The following PUM1 variants were observed in gnomAD, a reference collection of about 807,000 sequenced individuals.
The protein encoded by PUM1 is pumilio RNA binding family member 1.
Under a neutral mutation model 131.8 loss-of-function variants are expected in PUM1, and 13 were observed. The observed-to-expected ratio is 0.10, with a 90% CI of 0.06 to 0.16. The LOEUF (loss-of-function observed/expected upper bound fraction) is 0.16, where lower values mean the gene tolerates loss of function less well. PUM1 is among the 10% of genes least tolerant of loss of function. The pLI is 1.00. For missense variants in PUM1, 961 were observed against 1,512.4 expected (o/e 0.64, Z 6.05); for synonymous variants, 509 against 556.5 (o/e 0.91, Z 1.20).
chr1:31,013,144 C>A (rs1642682799), intron 3 of PUM1, among the ~76,000 whole-genome samples: 1 of 152,158 alleles, frequency 6.6e-6, no homozygotes, highest in African/African-American at 2.4e-5. Flanking sequence ...CATGGCATCA[C>A]CTAGGCCATG....
At position 30,931,604 on chromosome 1, in the gene PUM1, T is replaced by C. The variant is rs1429839502; in HGVS notation, c.*1607A>G. On this transcript the variant is annotated 3_prime_UTR_variant, in exon 22 of 22. Transcript: ENST00000426105. ...AAAAATAGTTGCCCAGGCATAAGCATACACAGGTTTGTTAATTATACACAT... is the reference window on the plus strand; with the variant it reads ...AAAAATAGTTGCCCAGGCATAAGCACACACAGGTTTGTTAATTATACACAT... 6.6e-6 allele frequency: 1 copy of C among 152,658 alleles called. No individual in the cohort carries two copies. Among genetic ancestry groups the C allele is most frequent in the East Asian group, 1.9e-4 (1 of 5,198 alleles). 9.5% of individuals were successfully genotyped at this position (152,658 alleles called of 1,614,324 possible).
intron 14 of PUM1, among the ~76,000 whole-genome samples, chr1:30,956,987 A>C (rs934523313): frequency 3.9e-5 from 6 of 152,104 alleles, no homozygotes; most frequent in Admixed American, 6.6e-5. Flanking sequence ...AACAACAGTT[A>C]ATACGCCTAC....
intron 2 of PUM1, among the ~76,000 whole-genome samples, 166 bp from the exon 3 acceptor site, chr1:31,029,030 A>G (rs1344495695): frequency 2.0e-5 from 3 of 152,206 alleles, no homozygotes; most frequent in Non-Finnish European, 2.9e-5. Flanking sequence ...ACCTTTAACC[A>G]TCAGGGTTCA....
At position 31,005,983 on chromosome 1, in the gene PUM1, C is replaced by T. The variant is rs1254185124; in HGVS notation, c.590G>A (p.Ser197Asn). ...ATTGACCTCACTGTTCACATGGAAA[C>T]TCTGACCAGGTCTTCTCTGCACCAT... ...PIMVQRRPGQSFHVNSEVNSV... is the reference protein window; with the variant it reads ...PIMVQRRPGQNFHVNSEVNSV... Residue 197 changes from serine (S) to asparagine (N), a missense_variant, in exon 5 of 22, where the codon AGT becomes AAT. Transcript: ENST00000426105. 1 of 1,612,900 alleles carries T rather than the reference C, an allele frequency of 6.2e-7. No homozygotes were observed. Among genetic ancestry groups the T allele is most frequent in the Non-Finnish European group, 8.5e-7 (1 of 1,179,686 alleles).
Position 30,974,708 on chromosome 1 carries a change from T to C in PUM1, c.1449A>G (p.Ala483=). Residue 483 remains alanine, a synonymous_variant, in exon 10 of 22, where the codon GCA becomes GCG. Transcript: ENST00000426105. ...LFQQQAAAAA[A]ATNSANQQTT... ...TCTGTTGATTAGCTGAATTAGTTGC[T>C]GCAGCGGCAGCGGCAGCTTGCTGCT... 1 of 1,611,644 alleles carries C rather than the reference T, an allele frequency of 6.2e-7. No homozygotes were observed. Among genetic ancestry groups the C allele is most frequent in the Non-Finnish European group, 8.5e-7 (1 of 1,179,444 alleles).
intron 7 of PUM1, among the ~76,000 whole-genome samples, chr1:30,987,567 T>TA (rs1641614557): frequency 6.6e-6 from 1 of 152,204 alleles, no homozygotes; most frequent in African/African-American, 2.4e-5. Flanking sequence ...AAAAAATAAA[T>TA]ACTGCTCCAA....
chr1:30,996,848 T>C (rs923021759), intron 5 of PUM1, among the ~76,000 whole-genome samples: 3 of 152,212 alleles, frequency 2.0e-5, no homozygotes, highest in African/African-American at 7.2e-5. Flanking sequence ...GAGGCAAAAC[T>C]GACTAAAGCT....
intron 2 of PUM1, among the ~76,000 whole-genome samples, chr1:31,048,760 C>T (rs1557604625): frequency 6.6e-6 from 1 of 152,074 alleles, no homozygotes; most frequent in Non-Finnish European, 1.5e-5. Flanking sequence ...AGGCTTGAGC[C>T]ACCATGCCCG....
At position 31,004,176 on chromosome 1, in the gene PUM1, T is replaced by C. The variant is rs373919454; in HGVS notation, c.720+1677A>G. On this transcript the variant is annotated intron_variant, in intron 5 of 21. Coordinates refer to ENST00000426105, the MANE Select transcript of PUM1 (RefSeq NM_001020658.2). Reference sequence around the variant, plus strand: ...AGCTTTTGTCATCAAAATAACCGTCTAGTGAGATGACTGTTTAAAGAGAGA... The same window carrying C: ...AGCTTTTGTCATCAAAATAACCGTCCAGTGAGATGACTGTTTAAAGAGAGA... Among the ~76,000 whole-genome samples the C allele has an allele frequency of 3.9e-5, 6 of 152,364 alleles. No individual in the cohort carries two copies. The South Asian group carries it at 8.3e-4, about 21-fold the overall frequency.
chr1:31,023,087 T>C (rs1271985438), intron 3 of PUM1, among the ~76,000 whole-genome samples: 2 of 151,780 alleles, frequency 1.3e-5, no homozygotes, highest in Admixed American at 6.6e-5. Context: ...GGCAGGAGAA[T>C]TGCTTGAACC....
intron 5 of PUM1, among the ~76,000 whole-genome samples, chr1:30,995,556 A>G (rs905527581): frequency 3.3e-5 from 5 of 151,656 alleles, no homozygotes; most frequent in African/African-American, 1.2e-4. Flanking sequence ...CTCTTGGTCA[A>G]GTTCTCTACT....
At chr1:30,941,670 A>T (rs1009362196) in intron 19 of PUM1, among the ~76,000 whole-genome samples, 1 of 152,216 alleles carries the variant, frequency 6.6e-6, no homozygotes, top group Non-Finnish European at 1.5e-5. Context: ...TATCAAAGCT[A>T]AAAACAAGAA....
intron 14 of PUM1, among the ~76,000 whole-genome samples, chr1:30,956,507 G>A (rs56395972): frequency 0.071 from 10,841 of 152,090 alleles, 645 homozygotes; most frequent in East Asian, 0.27. Flanking sequence ...CATGTGATCC[G>A]CCCATCTCAG....
intron 1 of PUM1, among the ~76,000 whole-genome samples, chr1:31,060,051 T>C (rs1428130379): frequency 6.6e-6 from 1 of 151,376 alleles, no homozygotes; most frequent in Non-Finnish European, 1.5e-5. Context: ...TTTCACCATG[T>C]TGGCCAGGCT....
chr1:30,988,849 T>C (rs1403316572), intron 7 of PUM1, among the ~76,000 whole-genome samples: 1 of 152,200 alleles, frequency 6.6e-6, no homozygotes, highest in African/African-American at 2.4e-5. Context: ...TTGTCCTCAT[T>C]GAGCCCTCCC....
intron 17 of PUM1, chr1:30,949,201 G>A: frequency 2.4e-6 from 1 of 425,328 alleles, no homozygotes; most frequent in East Asian, 7.2e-5. Flanking sequence ...ATCATTGCCA[G>A]ACAATGGCCA....
intron 19 of PUM1, 75 bp downstream of exon 19, chr1:30,941,923 C>A (rs1639451882): frequency 1.4e-6 from 2 of 1,379,950 alleles, no homozygotes; most frequent in Non-Finnish European, 2.0e-6. Context: ...GGAACCTACA[C>A]TGACAAAACA....
intron 2 of PUM1, among the ~76,000 whole-genome samples, chr1:31,056,609 CTTTTTTTTTTTTTTTTTTTTTT>C (rs57685772): frequency 6.9e-5 from 3 of 43,688 alleles, no homozygotes; most frequent in South Asian, 1.3e-3. Flanking sequence ...CTTTTCTTTT[CTTTTTTTTTTTTTTTTTTTTTT>C]TTTTTTTTTT....
Position 30,999,606 on chromosome 1 carries a change from C to CAAAA in PUM1, c.721-4390_721-4387dup, listed in dbSNP as rs56936440. Among the ~76,000 whole-genome samples the CAAAA allele has an allele frequency of 1.1e-3, 57 of 53,982 alleles. 6 individuals are homozygous for CAAAA. The highest frequency in any genetic ancestry group is 2.6e-3 in the African/African-American group (37 of 14,450). 35.4% of individuals were successfully genotyped at this position (53,982 alleles called of 152,430 possible). On this transcript the variant is annotated intron_variant, in intron 5 of 21. Transcript: ENST00000426105. The stretch of plus-strand genomic sequence containing the variant: ...TGGGTGACAGAGCAAGACTCTGTCT[C>CAAAA]AAAAAAAAAAAAAAAAAAAAAAAAA...
Sources: gnomAD v4.1 joint callset for allele counts (sites outside exome capture counted in the v4.1 genomes callset) on GRCh38, gnomAD v4.1.1 for gene constraint, MANE v1.5 for transcripts, NCBI Gene and HGNC (gene_info 2026-07-23, HGNC 2026-07-21) for gene names.